The following TLCD4 variants were observed in gnomAD, a reference collection of about 807,000 sequenced individuals.
The protein encoded by TLCD4 is TLC domain containing 4, also known as TLC domain-containing protein 4.
Under a neutral mutation model 24.2 loss-of-function variants are expected in TLCD4, and 7 were observed. The ratio of observed to expected loss-of-function variants is 0.29; its 90% CI spans 0.16 to 0.54. TLCD4 has a LOEUF of 0.54. Among genes scored for constraint, TLCD4 ranks in the 20% least tolerant of loss-of-function variants. The pLI is 0.95. For missense variants in TLCD4, 259 were observed against 313.9 expected, an observed-to-expected ratio of 0.82 and a Z score of 1.32; for synonymous variants, 103 against 106.4, an observed-to-expected ratio of 0.97 and a Z score of 0.20.
At chr1:95,102,616 T>C in the TLCD4 span, among the ~76,000 whole-genome samples, 1 of 152,172 alleles carries the variant, frequency 6.6e-6, no homozygotes. Context: ...GAGTTTTAGA[T>C]GGCATACGTG....
chr1:95,114,073 G>A (rs1367853517), upstream of TLCD4, among the ~76,000 whole-genome samples: 1 of 152,070 alleles, frequency 6.6e-6, no homozygotes, highest in Non-Finnish European at 1.5e-5. Context: ...TTGTTTGTTT[G>A]TTTAGAGACA....
intron 6 of TLCD4, among the ~76,000 whole-genome samples, chr1:95,190,477 C>T (rs528601031): frequency 3.9e-5 from 6 of 152,088 alleles, no homozygotes; most frequent in African/African-American, 1.2e-4. Context: ...TACAGGTGCC[C>T]GCCGCCATGC....
At chr1:95,105,399 C>G in the TLCD4 span, among the ~76,000 whole-genome samples, 1 of 152,178 alleles carries the variant, frequency 6.6e-6, no homozygotes, top group African/African-American at 2.4e-5. Context: ...TGATTTCACT[C>G]TCAGAACAGT....
In TLCD4 at chr1:95,161,762, C is replaced by T. The variant is rs1044034372; in HGVS notation, c.399+10343C>T. ...TTCTGCCTTCATTTCGTTATGTACCCAGTAGTCATTCAGGAGCAGGTTGTT... is the reference window on the plus strand; with the variant it reads ...TTCTGCCTTCATTTCGTTATGTACCTAGTAGTCATTCAGGAGCAGGTTGTT... On this transcript the variant is annotated intron_variant, in intron 5 of 6. Transcript: ENST00000370203. 4.6e-4 allele frequency among the ~76,000 whole-genome samples: 70 copies of T among 152,202 alleles called. 1 individual carries two copies. Among genetic ancestry groups the T allele is most frequent in the African/African-American group, 6.3e-4 (26 of 41,518 alleles).
At chr1:95,148,157 A>G (rs2100943100) in intron 2 of TLCD4, among the ~76,000 whole-genome samples, 1 of 152,374 alleles carries the variant, frequency 6.6e-6, no homozygotes, top group South Asian at 2.1e-4. Context: ...ACAAGAATCA[A>G]GTGCAATAGT....
intron 1 of TLCD4, 103 bp from the exon 2 acceptor site, chr1:95,143,788 A>G (rs971611636): frequency 8.8e-7 from 1 of 1,134,384 alleles, no homozygotes. Flanking sequence ...TTTGTTCTAA[A>G]TTTTAAAAAT....
intron 5 of TLCD4, among the ~76,000 whole-genome samples, chr1:95,154,066 C>T (rs1431448453): frequency 6.6e-6 from 1 of 152,154 alleles, no homozygotes; most frequent in Non-Finnish European, 1.5e-5. Flanking sequence ...AAAGTAGATA[C>T]AATCAGCAGA....
At chr1:95,147,482 G>A (rs1466743228) in intron 2 of TLCD4, among the ~76,000 whole-genome samples, 1 of 152,088 alleles carries the variant, frequency 6.6e-6, no homozygotes, top group African/African-American at 2.4e-5. Flanking sequence ...ATGATTCTTA[G>A]GTATTATAAA....
chr1:95,151,287 T>A (rs1182499525), intron 4 of TLCD4, 38 bp from the exon 5 acceptor site: 1 of 1,604,086 alleles, frequency 6.2e-7, no homozygotes, highest in South Asian at 1.1e-5. Context: ...TGCAACTTTC[T>A]TCTTATGTAA....
At chr1:95,156,920 G>A (rs1677649895) in intron 5 of TLCD4, among the ~76,000 whole-genome samples, 1 of 152,126 alleles carries the variant, frequency 6.6e-6, no homozygotes, top group Non-Finnish European at 1.5e-5. Flanking sequence ...GTAAAGGGCA[G>A]TGCAGTCAGG....
chr1:95,192,083 G>A lies in TLCD4; in HGVS notation c.*215G>A. On this transcript the variant is annotated 3_prime_UTR_variant, in exon 7 of 7. Coordinates refer to ENST00000370203, the MANE Select transcript of TLCD4 (RefSeq NM_152487.3). ...AGGCCAAGGTGGGTCGATCACTGAG[G>A]TCAGGAGTTCGAGACTAGCTTGGCC... The A allele has an allele frequency of 2.7e-6, 3 of 1,099,008 alleles. No individual in the cohort carries two copies. Among genetic ancestry groups the A allele is most frequent in the Non-Finnish European group, 3.6e-6 (3 of 830,098 alleles). The allele number at this position is 1,099,008 out of a possible 1,614,324, so 68.1% of individuals were successfully genotyped here. A position where few individuals can be genotyped will look rare whatever the true frequency, so the allele number is the denominator to read the frequency against.
the TLCD4 span, among the ~76,000 whole-genome samples, chr1:95,099,421 C>T: frequency 6.6e-6 from 1 of 152,170 alleles, no homozygotes; most frequent in Admixed American, 6.5e-5. Flanking sequence ...TTTCTGTATG[C>T]ACTCTGTACA....
intron 1 of TLCD4, 51 bp from the exon 2 acceptor site, chr1:95,143,840 C>T: frequency 1.4e-5 from 19 of 1,313,288 alleles, no homozygotes; most frequent in Non-Finnish European, 1.7e-5. Flanking sequence ...AAAAAAATTA[C>T]TCTAGGTTTA....
intron 6 of TLCD4, 158 bp downstream of exon 6, chr1:95,174,047 A>T: frequency 8.6e-7 from 1 of 1,167,404 alleles, no homozygotes; most frequent in Non-Finnish European, 1.2e-6. Flanking sequence ...TGAGTTTTGG[A>T]AAGGTTAGAG....
intron 5 of TLCD4, among the ~76,000 whole-genome samples, chr1:95,171,370 A>C (rs968333409): frequency 4.6e-5 from 7 of 152,256 alleles, no homozygotes; most frequent in Non-Finnish European, 8.8e-5. Context: ...TACCAAAAAA[A>C]ATCACGGCAG....
chr1:95,151,766 C>A (rs1457518683), intron 5 of TLCD4, among the ~76,000 whole-genome samples: 2 of 152,004 alleles, frequency 1.3e-5, no homozygotes, highest in Non-Finnish European at 2.9e-5. Context: ...TATGAGCCAG[C>A]GAAAATATTT....
In TLCD4 at chr1:95,139,455, A is replaced by ATTTTTTTTTTTTT. The variant is rs200337389; in HGVS notation, c.-11-4426_-11-4414dup. Among the ~76,000 whole-genome samples, 262 of 93,950 alleles carry ATTTTTTTTTTTTT rather than the reference A, an allele frequency of 2.8e-3. 12 individuals are homozygous for ATTTTTTTTTTTTT. The highest frequency in any genetic ancestry group is 4.2e-3 in the Non-Finnish European group (208 of 49,278). The allele number at this position is 93,950 out of a possible 152,430, so 61.6% of individuals were successfully genotyped here. On this transcript the variant is annotated intron_variant, in intron 1 of 6. Coordinates refer to ENST00000370203, the MANE Select transcript of TLCD4 (RefSeq NM_152487.3). ...ATAAACTTTTTTATTTAAACCTTTG[A>ATTTTTTTTTTTTT]TTTTTTTTTTTTTTTTTTTTTTGAG...
At chr1:95,171,836 C>CA (rs1205108327) in intron 5 of TLCD4, among the ~76,000 whole-genome samples, 1 of 152,154 alleles carries the variant, frequency 6.6e-6, no homozygotes, top group African/African-American at 2.4e-5. Flanking sequence ...TCATAACTCC[C>CA]AGTACCTTAG....
At chr1:95,136,301 G>A (rs1677040009) in intron 1 of TLCD4, among the ~76,000 whole-genome samples, 2 of 151,880 alleles carry the variant, frequency 1.3e-5, no homozygotes, top group South Asian at 4.2e-4. Flanking sequence ...ATTGATTTGT[G>A]TCACTTACAA....
Sources: gnomAD v4.1 joint callset for allele counts (sites outside exome capture counted in the v4.1 genomes callset) on GRCh38, gnomAD v4.1.1 for gene constraint, MANE v1.5 for transcripts, NCBI Gene and HGNC (gene_info 2026-07-23, HGNC 2026-07-21) for gene names.